The following KIF19 variants were observed in gnomAD, a reference collection of about 807,000 sequenced individuals.
KIF19 encodes the protein kinesin-like protein KIF19.
A neutral mutation model predicts 106.6 loss-of-function variants in KIF19; 98 were observed. The observed-to-expected ratio is 0.92, with a 90% CI of 0.78 to 1.09. KIF19 has a LOEUF of 1.09. Ranked by LOEUF, KIF19 falls within the 50% of genes least tolerant of loss-of-function variation. KIF19 has a pLI of 0.00. For missense variants in KIF19, 1,373 were observed against 1,414.3 expected, an observed-to-expected ratio of 0.97 and a Z score of 0.47; for synonymous variants, 516 against 584.2, an observed-to-expected ratio of 0.88 and a Z score of 1.68.
At chr17:74,327,235 G>T (rs1252135774) in intron 1 of KIF19, among the ~76,000 whole-genome samples, 1 of 152,162 alleles carries the variant, frequency 6.6e-6, no homozygotes, top group Non-Finnish European at 1.5e-5. Context: ...CCTCTCAAGG[G>T]TGGGCTTGCT....
chr17:74,347,566 G>A (rs377142336), intron 8 of KIF19, among the ~76,000 whole-genome samples: 1 of 151,756 alleles, frequency 6.6e-6, no homozygotes, highest in African/African-American at 2.4e-5. Flanking sequence ...CTAAAGAGGT[G>A]AATGAGCTTT....
chr17:74,349,268 C>T lies in KIF19; in HGVS notation c.1132C>T (p.Leu378Phe). The T allele has an allele frequency of 5.0e-6, 8 of 1,613,482 alleles. No individual in the cohort carries two copies. Among genetic ancestry groups the T allele is most frequent in the Non-Finnish European group, 5.1e-6 (6 of 1,179,798 alleles). Residue 378 changes from leucine (L) to phenylalanine (F), a missense_variant, in exon 10 of 20, where the codon CTC becomes TTC. Leu to Phe is a conservative substitution (Grantham distance 22). This residue lies in a region of KIF19 where 1,020 missense variants were observed against 1,008.2 expected (regional missense o/e 1.01). Transcript: ENST00000389916. ...IADLRGEIQR[L>F]KRKIDEQTGR... ...TGACCTGCGGGGCGAGATCCAGCGACTCAAGCGCAAGATTGATGAGCAGAC... is the reference window on the plus strand; with the variant it reads ...TGACCTGCGGGGCGAGATCCAGCGATTCAAGCGCAAGATTGATGAGCAGAC...
chr17:74,337,034 A>G (rs895380784), intron 2 of KIF19, among the ~76,000 whole-genome samples: 16 of 152,058 alleles, frequency 1.1e-4, no homozygotes, highest in Non-Finnish European at 1.8e-4. Flanking sequence ...GGGTTTCGCC[A>G]TGTTGGCCAG....
rs1363006585 is a variant in KIF19, at chr17:74,350,564, C to T, written c.1377C>T (p.Leu459=). Residue 459 remains leucine, a synonymous_variant, in exon 11 of 20, where the codon CTC becomes CTT. Transcript: ENST00000389916. ...EVQIDTSRHL[L]TIAGWKHEKS... ...AGATTGACACCTCCCGACACCTGCTCACCATCGCCGGGTAAGCCCCCCTCC... is the reference window on the plus strand; with the variant it reads ...AGATTGACACCTCCCGACACCTGCTTACCATCGCCGGGTAAGCCCCCCTCC... The T allele has an allele frequency of 1.2e-6, 2 of 1,612,750 alleles. No individual in the cohort carries two copies. Among genetic ancestry groups the T allele is most frequent in the African/African-American group, 2.7e-5 (2 of 74,940 alleles).
chr17:74,349,083 A>G (rs1413482388), intron 9 of KIF19, 101 bp from the exon 10 acceptor site: 1 of 1,214,152 alleles, frequency 8.2e-7, no homozygotes, highest in Non-Finnish European at 1.2e-6. Flanking sequence ...GTCACCCAGA[A>G]AGACTGGGGG....
rs2054576390 is a variant in KIF19 at position 74,347,717 on chromosome 17, C to G, written c.925-60C>G. 7.1e-6 allele frequency: 11 copies of G among 1,553,996 alleles called. No individual in the cohort carries two copies. The South Asian group carries it at 1.2e-4, about 17-fold the overall frequency. ...TCGCCAGGGAGGGCATCGTGAACAGCCTGGCAGGAGGAAGGCCTGAGGAGG... is the reference window on the plus strand; with the variant it reads ...TCGCCAGGGAGGGCATCGTGAACAGGCTGGCAGGAGGAAGGCCTGAGGAGG... On this transcript the variant is annotated intron_variant, in intron 8 of 19. Transcript: ENST00000389916.
At position 74,344,362 on chromosome 17, in the gene KIF19, G is replaced by A. The variant is rs752844903; in HGVS notation, c.582+14G>A. ...AATGCCAAGGAGGCGAGTTTTGTGT[G>A]GCCAGCCTGGAGCCGCTGAGAGGAA... On this transcript the variant is annotated intron_variant, in intron 6 of 19. Coordinates refer to ENST00000389916, the MANE Select transcript of KIF19 (RefSeq NM_153209.4). 1.2e-6 allele frequency: 2 copies of A among 1,610,278 alleles called. No homozygotes were observed. The highest frequency in any genetic ancestry group is 1.7e-6 in the Non-Finnish European group (2 of 1,178,890).
chr17:74,350,280 T>C, intron 10 of KIF19, 121 bp from the exon 11 acceptor site: 1 of 886,308 alleles, frequency 1.1e-6, no homozygotes, highest in Non-Finnish European at 1.7e-6. Flanking sequence ...GAGGAAGCAG[T>C]TGGACAGGAA....
rs757408362 is a variant in KIF19, at chr17:74,355,297, C to T, written c.2982C>T (p.Cys994=). ...CAAGCACCCATGGCAAAGATGGATGCTCCCGGCATAACTGAGGGGCCCTGC... is the reference window on the plus strand; with the variant it reads ...CAAGCACCCATGGCAAAGATGGATGTTCCCGGCATAACTGAGGGGCCCTGC... The part of the protein sequence containing the change: ...HGTSTHGKDG[C]SRHN The change falls in exon 20 of 20, where the codon TGC becomes TGT. Residue 994 remains cysteine, a synonymous_variant. Coordinates refer to ENST00000389916, the MANE Select transcript of KIF19 (RefSeq NM_153209.4). 6.2e-7 allele frequency: 1 copy of T among 1,610,674 alleles called. No homozygotes were observed. The highest frequency in any genetic ancestry group is 8.5e-7 in the Non-Finnish European group (1 of 1,179,144).
chr17:74,349,489 C>T, intron 10 of KIF19, 140 bp downstream of exon 10: 2 of 773,322 alleles, frequency 2.6e-6, no homozygotes, highest in Non-Finnish European at 2.0e-6. Context: ...CAGCTCTGAG[C>T]CTCCTAGCAT....
At chr17:74,345,948 G>T (rs2054519328) in intron 7 of KIF19, among the ~76,000 whole-genome samples, 1 of 152,162 alleles carries the variant, frequency 6.6e-6, no homozygotes, top group Admixed American at 6.5e-5. Context: ...TGCTCCTGCA[G>T]GCCCAAGAAA....
rs570969811 is a variant in KIF19 at position 74,350,387 on chromosome 17, T to C, written c.1214-14T>C. 4 of 1,576,146 alleles carry C rather than the reference T, an allele frequency of 2.5e-6. No individual in the cohort carries two copies. Among genetic ancestry groups the C allele is most frequent in the Non-Finnish European group, 2.6e-6 (3 of 1,161,238 alleles). Reference sequence around the variant, plus strand: ...GCCGCCTCCTCTACCTTGCCCACCCTCACCCATCGGCAGCTGAGGTCCAGC... The same window carrying C: ...GCCGCCTCCTCTACCTTGCCCACCCCCACCCATCGGCAGCTGAGGTCCAGC... On this transcript the variant is annotated splice_polypyrimidine_tract_variant and intron_variant, in intron 10 of 19. Coordinates refer to ENST00000389916, the MANE Select transcript of KIF19 (RefSeq NM_153209.4).
chr17:74,340,827 C>T lies in KIF19; in HGVS notation c.121-1049C>T, dbSNP rs779930242. ...CTGTGGCTCTTTGCTCTGTCCCAGG[C>T]TCTGCCCTGGAGGGGTGAGGCGGAG... On this transcript the variant is annotated intron_variant, in intron 2 of 19. Transcript: ENST00000389916. Among the ~76,000 whole-genome samples the T allele has an allele frequency of 6.1e-4, 93 of 152,230 alleles. 1 individual carries two copies. The highest frequency in any genetic ancestry group is 3.2e-3 in the Middle Eastern group (1 of 316).
chr17:74,355,501 A>G lies in KIF19; in HGVS notation c.*189A>G. The G allele has an allele frequency of 2.7e-6, 2 of 730,874 alleles. No individual in the cohort carries two copies. The highest frequency in any genetic ancestry group is 3.1e-5 in the Admixed American group (1 of 32,044). 45.3% of individuals were successfully genotyped at this position (730,874 alleles called of 1,614,324 possible). Reference sequence around the variant, plus strand: ...TCCCATGCTTTCAGTGCCACTGGGGAAAAGAGGTGAGGCCAGGGGACATGG... The same window carrying G: ...TCCCATGCTTTCAGTGCCACTGGGGGAAAGAGGTGAGGCCAGGGGACATGG... On this transcript the variant is annotated 3_prime_UTR_variant, in exon 20 of 20. Transcript: ENST00000389916.
At chr17:74,333,509 T>C (rs2054146534) in intron 2 of KIF19, among the ~76,000 whole-genome samples, 1 of 152,046 alleles carries the variant, frequency 6.6e-6, no homozygotes. Flanking sequence ...ATTACAGGTG[T>C]GTGCCACCAT....
intron 2 of KIF19, among the ~76,000 whole-genome samples, chr17:74,330,485 ACCTCCTT>A (rs2054047283): frequency 6.6e-6 from 1 of 151,952 alleles, no homozygotes; most frequent in African/African-American, 2.4e-5. Context: ...AGGAGGAGAA[ACCTCCTT>A]CCAGGCAAAG....
chr17:74,349,801 A>ATT (rs35461410), intron 10 of KIF19, among the ~76,000 whole-genome samples: 2 of 146,536 alleles, frequency 1.4e-5, no homozygotes, highest in African/African-American at 5.1e-5. Context: ...GACAGTAAAG[A>ATT]TTTTTTTTTT....
In KIF19 at chr17:74,354,526, G is replaced by A; in HGVS notation, c.2673G>A (p.Arg891=). The A allele has an allele frequency of 1.2e-6, 2 of 1,601,976 alleles. No homozygotes were observed. The highest frequency in any genetic ancestry group is 1.7e-6 in the Non-Finnish European group (2 of 1,175,258). ...CGCTGGAGGCAAAGAGAAGGAAGCG[G>A]AGGTCCCGATCCTTCGAGGTCACCG... ...EESLEAKRRK[R]RSRSFEVTGQ... The change falls in exon 18 of 20, where the codon CGG becomes CGA. Residue 891 remains arginine (R), a synonymous_variant. Transcript: ENST00000389916.
At position 74,354,540 on chromosome 17, in the gene KIF19, T is replaced by C; in HGVS notation, c.2687T>C (p.Phe896Ser). 1 of 1,598,390 alleles carries C rather than the reference T, an allele frequency of 6.3e-7. No individual in the cohort carries two copies. Among genetic ancestry groups the C allele is most frequent in the Non-Finnish European group, 8.5e-7 (1 of 1,173,684 alleles). The change falls in exon 18 of 20, where the codon TTC (phenylalanine) becomes TCC (serine). Residue 896 changes from phenylalanine to serine, a missense_variant. Phe to Ser is a radical substitution (Grantham distance 155). Coordinates refer to ENST00000389916, the MANE Select transcript of KIF19 (RefSeq NM_153209.4). ...AKRRKRRSRS[F>S]EVTGQGLSHP... ...AGAAGGAAGCGGAGGTCCCGATCCT[T>C]CGAGGTCACCGGGCAAGGGGTGAGG...
Sources: gnomAD v4.1 joint callset for allele counts (sites outside exome capture counted in the v4.1 genomes callset) on GRCh38, gnomAD v4.1.1 for gene constraint, gnomAD v4.1.1 regional missense constraint, MANE v1.5 for transcripts, NCBI Gene and HGNC (gene_info 2026-07-23, HGNC 2026-07-21) for gene names.